The following RANBP2 variants were observed in gnomAD, a reference collection of about 807,000 sequenced individuals.
RANBP2 encodes the protein E3 SUMO-protein ligase RanBP2.
In RANBP2, 57 loss-of-function variants were observed where a neutral mutation model predicts 303.6. That is an observed-to-expected ratio of 0.19 (90% CI 0.15 to 0.23). RANBP2 has a LOEUF of 0.23. Ranked by LOEUF, RANBP2 falls within the 10% of genes least tolerant of loss-of-function variation. The pLI is 1.00. For missense variants in RANBP2, 3,138 were observed against 3,780.8 expected (o/e 0.83, Z 4.46); for synonymous variants, 1,167 against 1,301.5 (o/e 0.90, Z 2.23).
the RANBP2 span, among the ~76,000 whole-genome samples, chr2:109,199,602 TG>T: frequency 5.9e-3 from 2 of 340 alleles, no homozygotes; most frequent in African/African-American, 0.016. Flanking sequence ...TGGAATGGAA[TG>T]GAATGGAATG....
chr2:108,930,935 T>C, the RANBP2 span: 8 of 1,613,122 alleles, frequency 5.0e-6, no homozygotes, highest in Non-Finnish European at 6.8e-6. Context: ...ATGAGGGTGC[T>C]GTGGGGGTAA....
At chr2:109,051,113 C>T in the RANBP2 span, among the ~76,000 whole-genome samples, 2 of 152,194 alleles carry the variant, frequency 1.3e-5, no homozygotes, top group East Asian at 1.9e-4. Context: ...GGACACCAAT[C>T]GCAGAGCTAG....
At chr2:109,387,341 C>T in the RANBP2 span, among the ~76,000 whole-genome samples, 69 of 152,270 alleles carry the variant, frequency 4.5e-4, no homozygotes, top group African/African-American at 1.2e-3. Flanking sequence ...TAGAGCCCTC[C>T]GGTTCCCCAT....
chr2:109,262,414 C>T, the RANBP2 span, among the ~76,000 whole-genome samples: 7 of 152,248 alleles, frequency 4.6e-5, no homozygotes, highest in South Asian at 1.0e-3. Context: ...ACTCTGCTTT[C>T]GATGCCCTGG....
chr2:109,166,927 C>A, the RANBP2 span, among the ~76,000 whole-genome samples: 2 of 152,186 alleles, frequency 1.3e-5, no homozygotes, highest in African/African-American at 4.8e-5. Flanking sequence ...TTTATGCATG[C>A]AACATGATGC....
chr2:109,498,337 G>C, the RANBP2 span, among the ~76,000 whole-genome samples: 1 of 152,152 alleles, frequency 6.6e-6, no homozygotes, highest in African/African-American at 2.4e-5. Flanking sequence ...GCACCCCCAA[G>C]TCAGCCTCAG....
chr2:109,391,296 G>T, the RANBP2 span, among the ~76,000 whole-genome samples: 3 of 152,218 alleles, frequency 2.0e-5, no homozygotes, highest in African/African-American at 4.8e-5. Flanking sequence ...AGCCTGACCT[G>T]TATGCTTCAG....
At chr2:109,657,282 C>CA in the RANBP2 span, among the ~76,000 whole-genome samples, 7 of 151,832 alleles carry the variant, frequency 4.6e-5, no homozygotes, top group South Asian at 4.2e-4. Context: ...CTCGTTTCTA[C>CA]AAAAAAATAC....
the RANBP2 span, among the ~76,000 whole-genome samples, chr2:109,636,104 A>G: frequency 6.6e-6 from 1 of 152,188 alleles, no homozygotes; most frequent in Non-Finnish European, 1.5e-5. Flanking sequence ...TGAACCAGGA[A>G]GTGAGCCCTT....
the RANBP2 span, among the ~76,000 whole-genome samples, chr2:108,979,448 G>GTCTCTCTC: frequency 6.4e-5 from 9 of 140,334 alleles, no homozygotes; most frequent in South Asian, 2.4e-4. Context: ...CTCTCTCTCT[G>GTCTCTCTC]TCTCTGTCTC....
chr2:109,509,778 C>A, the RANBP2 span, among the ~76,000 whole-genome samples: 1 of 152,008 alleles, frequency 6.6e-6, no homozygotes, highest in Admixed American at 6.6e-5. Context: ...AATCTCCAAG[C>A]AGAGACACAC....
At chr2:109,106,482 T>C in the RANBP2 span, among the ~76,000 whole-genome samples, 44 of 152,242 alleles carry the variant, frequency 2.9e-4, no homozygotes, top group African/African-American at 1.0e-3. Flanking sequence ...TAACTACCTA[T>C]ATGGGGAGCA....
the RANBP2 span, among the ~76,000 whole-genome samples, chr2:108,880,185 G>C: frequency 0.91 from 137,328 of 150,338 alleles, 62,759 homozygotes; most frequent in East Asian, 1. Context: ...TCCAGACAGG[G>C]TAACTTAAAA....
the RANBP2 span, chr2:108,812,944 AT>A: frequency 6.2e-7 from 1 of 1,609,822 alleles, no homozygotes; most frequent in Non-Finnish European, 8.5e-7. Context: ...TTGAATTATG[AT>A]TTGATATGAT....
the RANBP2 span, among the ~76,000 whole-genome samples, chr2:109,363,593 A>G: frequency 2.6e-5 from 4 of 152,140 alleles, no homozygotes; most frequent in East Asian, 1.9e-4. Context: ...TTTCTGACCT[A>G]TATTATTTTT....
chr2:109,065,040 GA>G, the RANBP2 span, among the ~76,000 whole-genome samples: 1 of 152,176 alleles, frequency 6.6e-6, no homozygotes, highest in Non-Finnish European at 1.5e-5. Flanking sequence ...ACTTAGACTT[GA>G]AAAATGAACT....
chr2:109,540,682 T>G, the RANBP2 span, among the ~76,000 whole-genome samples: 1 of 150,844 alleles, frequency 6.6e-6, no homozygotes, highest in East Asian at 1.9e-4. Flanking sequence ...AAAAAATTAG[T>G]TGGGCATGGT....
the RANBP2 span, chr2:108,910,348 C>G: frequency 1.2e-6 from 1 of 867,360 alleles, no homozygotes; most frequent in Non-Finnish European, 1.9e-6. Context: ...CCGAACGTCC[C>G]CATAGTGTCC....
chr2:108,923,526 G>A, the RANBP2 span: 9 of 1,427,086 alleles, frequency 6.3e-6, no homozygotes, highest in East Asian at 2.0e-4. Context: ...GGTGCAGAGA[G>A]CACGGTGGCC....
Sources: allele counts gnomAD v4.1 joint callset (sites outside exome capture counted in the v4.1 genomes callset), GRCh38; gene constraint gnomAD v4.1.1; transcripts MANE v1.5; gene names NCBI Gene and HGNC (gene_info 2026-07-23, HGNC 2026-07-21).